Variants in GAB2 observed in about 807,000 individuals in gnomAD.
GAB2 encodes the protein GRB2-associated-binding protein 2.
GAB2 carries 26 observed loss-of-function variants against 65.5 expected under a neutral mutation model. The observed-to-expected ratio is 0.40, with a 90% confidence interval of 0.29 to 0.55. GAB2 has a LOEUF of 0.55. GAB2 is among the 20% of genes least tolerant of loss of function. The pLI, the probability that GAB2 is intolerant of heterozygous loss-of-function variation, is 0.53. For missense variants in GAB2, 884 were observed against 875.8 expected (o/e 1.01, Z -0.12); for synonymous variants, 321 against 329.6 (o/e 0.97, Z 0.28).
intron 1 of GAB2, among the ~76,000 whole-genome samples, chr11:78,401,505 C>T (rs1434305887): frequency 3.2e-5 from 4 of 124,934 alleles, no homozygotes; most frequent in South Asian, 3.1e-4. Context: ...GAACAGTATT[C>T]GTGTGTGTGT....
intron 2 of GAB2, among the ~76,000 whole-genome samples, chr11:78,254,001 AGAG>A (rs1865529282): frequency 6.6e-6 from 1 of 152,168 alleles, no homozygotes; most frequent in African/African-American, 2.4e-5. Context: ...TATGAATAAA[AGAG>A]GAGTGACCCA....
chr11:78,276,969 C>T, intron 2 of GAB2, among the ~76,000 whole-genome samples: 1 of 152,190 alleles, frequency 6.6e-6, no homozygotes, highest in East Asian at 1.9e-4. Flanking sequence ...AGTTGCCCGC[C>T]ACCACGCCCG....
intron 3 of GAB2, among the ~76,000 whole-genome samples, chr11:78,245,862 C>T (rs1371709850): frequency 6.6e-6 from 1 of 152,072 alleles, no homozygotes; most frequent in Non-Finnish European, 1.5e-5. Context: ...TATCTGAGAA[C>T]GTCTTAATTT....
At position 78,258,720 on chromosome 11, in the gene GAB2, C is replaced by A. The variant is rs556384636; in HGVS notation, c.377-8320G>T. Among the ~76,000 whole-genome samples the A allele has an allele frequency of 1.1e-4, 17 of 151,918 alleles. No homozygotes were observed. The East Asian group carries it at 1.9e-3, about 17-fold the overall frequency. ...TCAGGTGATTCTCCCACTTTGGCCTCCCAAAGTGCTGGAACTATAGGCATG... is the reference window on the plus strand; with the variant it reads ...TCAGGTGATTCTCCCACTTTGGCCTACCAAAGTGCTGGAACTATAGGCATG... On this transcript the variant is annotated intron_variant, in intron 2 of 9. Transcript: ENST00000361507.
At chr11:78,392,146 G>C (rs1001255853) in intron 1 of GAB2, 1 of 151,888 alleles carries the variant, frequency 6.6e-6, no homozygotes, top group African/African-American at 2.4e-5. Flanking sequence ...GCTGAGGTAG[G>C]AGAATTGCTT....
At chr11:78,384,140 T>G (rs955058350) in intron 1 of GAB2, among the ~76,000 whole-genome samples, 1 of 152,206 alleles carries the variant, frequency 6.6e-6, no homozygotes, top group East Asian at 1.9e-4. Context: ...CCAAACCTGA[T>G]GCACCTCAAA....
chr11:78,248,960 T>G (rs1865371759), intron 3 of GAB2, among the ~76,000 whole-genome samples: 1 of 152,378 alleles, frequency 6.6e-6, no homozygotes, highest in East Asian at 1.9e-4. Context: ...GCTCTTCATG[T>G]ATAAGTTGAT....
intron 1 of GAB2, chr11:78,387,991 C>T (rs1365240837): frequency 6.6e-6 from 1 of 151,612 alleles, no homozygotes; most frequent in Non-Finnish European, 1.5e-5. Flanking sequence ...GGACAGTACT[C>T]TATATAGTAA....
chr11:78,260,475 C>CT (rs61091091), intron 2 of GAB2, among the ~76,000 whole-genome samples: 28,806 of 145,870 alleles, frequency 0.2, 2,945 homozygotes, highest in East Asian at 0.38. Flanking sequence ...CCTTCTAAAT[C>CT]TTTTTTTTTT....
intron 1 of GAB2, among the ~76,000 whole-genome samples, chr11:78,352,498 C>T (rs757175541): frequency 6.6e-5 from 10 of 152,222 alleles, no homozygotes; most frequent in Non-Finnish European, 1.5e-4. Context: ...CCAGACACTC[C>T]TAACACTTTT....
chr11:78,248,137 T>A (rs550471082), intron 3 of GAB2, among the ~76,000 whole-genome samples: 1 of 152,224 alleles, frequency 6.6e-6, no homozygotes, highest in South Asian at 2.1e-4. Context: ...AAGTTCCAAA[T>A]GTTGTGAGAG....
chr11:78,286,689 A>T (rs1243282056), intron 1 of GAB2, among the ~76,000 whole-genome samples: 1 of 152,210 alleles, frequency 6.6e-6, no homozygotes, highest in Non-Finnish European at 1.5e-5. Flanking sequence ...AGGATTACAG[A>T]AAAAAGAATA....
At position 78,215,866 on chromosome 11, in the gene GAB2, A is replaced by C. The variant is rs945610031; in HGVS notation, c.*3406T>G. On this transcript the variant is annotated 3_prime_UTR_variant, in exon 10 of 10. Coordinates refer to ENST00000361507, the MANE Select transcript of GAB2 (RefSeq NM_080491.3). ...GGGAAGGAAGAACTCTGGAAATGGG[A>C]TAGGGGTGCTGGGCCGAGATGTCCC... The C allele has an allele frequency of 1.3e-5, 2 of 152,696 alleles. No individual in the cohort carries two copies. Among genetic ancestry groups the C allele is most frequent in the Non-Finnish European group, 1.5e-5 (1 of 68,086 alleles). The allele number at this position is 152,696 out of a possible 1,614,324, so 9.5% of individuals were successfully genotyped here. A position where few individuals can be genotyped will look rare whatever the true frequency, so the allele number is the denominator to read the frequency against.
chr11:78,286,798 A>AG (rs1265318429), intron 1 of GAB2, among the ~76,000 whole-genome samples: 1 of 152,296 alleles, frequency 6.6e-6, no homozygotes, highest in East Asian at 1.9e-4. Context: ...AATATTTATA[A>AG]GGGGGGTCTG....
At chr11:78,301,496 A>C (rs1867018579) in intron 1 of GAB2, among the ~76,000 whole-genome samples, 1 of 151,948 alleles carries the variant, frequency 6.6e-6, no homozygotes, top group African/African-American at 2.4e-5. Context: ...AGCCTGGCTA[A>C]TGTTTGTATT....
chr11:78,249,276 A>G (rs1460229566), intron 3 of GAB2, among the ~76,000 whole-genome samples: 2 of 152,250 alleles, frequency 1.3e-5, no homozygotes, highest in Non-Finnish European at 2.9e-5. Flanking sequence ...ATTATGTATG[A>G]AAATATTCTC....
intron 1 of GAB2, among the ~76,000 whole-genome samples, chr11:78,409,856 T>C (rs184884603): frequency 1.6e-4 from 24 of 152,236 alleles, no homozygotes; most frequent in Middle Eastern, 3.4e-3. Flanking sequence ...TAAAGCAAGA[T>C]AGACCACATT....
intron 1 of GAB2, among the ~76,000 whole-genome samples, chr11:78,404,552 A>C (rs1189850376): frequency 6.6e-6 from 1 of 152,248 alleles, no homozygotes; most frequent in African/African-American, 2.4e-5. Context: ...TGAAAACAAC[A>C]ATAACAATGG....
At chr11:78,220,525 G>T in intron 8 of GAB2, 81 bp from the exon 9 acceptor site, 1 of 1,263,128 alleles carries the variant, frequency 7.9e-7, no homozygotes, top group Non-Finnish European at 1.1e-6. Flanking sequence ...CTGGGAGTAA[G>T]AACACTGTTT....
Sources: allele counts gnomAD v4.1 joint callset (sites outside exome capture counted in the v4.1 genomes callset), GRCh38; gene constraint gnomAD v4.1.1; transcripts MANE v1.5; gene names NCBI Gene and HGNC (gene_info 2026-07-23, HGNC 2026-07-21).